Variants in MAST4 observed in about 807,000 individuals in gnomAD.
The protein encoded by MAST4 is microtubule associated serine/threonine kinase family member 4, also known as microtubule-associated serine/threonine-protein kinase 4.
A neutral mutation model predicts 162.7 loss-of-function variants in MAST4; 89 were observed. The ratio of observed to expected loss-of-function variants is 0.55; its 90% confidence interval spans 0.46 to 0.65. The LOEUF (loss-of-function observed/expected upper bound fraction) is 0.65, where lower values mean the gene tolerates loss of function less well. MAST4 is among the 30% of genes least tolerant of loss of function. The probability of loss-of-function intolerance (pLI) is 0.00; values close to 1 mark genes in which losing one functional copy is unlikely to be tolerated. For missense variants in MAST4, 3,153 were observed against 3,374.0 expected (o/e 0.93, Z 1.62); for synonymous variants, 1,479 against 1,361.1 (o/e 1.09, Z -1.91).
At chr5:66,900,699 G>GT (rs1762955046) in intron 4 of MAST4, among the ~76,000 whole-genome samples, 1 of 143,338 alleles carries the variant, frequency 7.0e-6, no homozygotes, top group Admixed American at 7.1e-5. Flanking sequence ...GAAGAAGTTA[G>GT]TAGATGGAGC....
rs374441392 is a variant in MAST4 at position 66,957,064 on chromosome 5, ATGTAT to A, written c.674+57087_674+57091del. ...GTAGTAAAAGGAAACTGAAGTGAAA[ATGTAT>A]TGTAGTCCATTGGCTATATGGAACT... is the stretch of plus-strand genomic sequence containing the variant. On this transcript the variant is annotated intron_variant, in intron 4 of 28. Transcript: ENST00000403625. 2.3e-3 allele frequency among the ~76,000 whole-genome samples: 343 copies of A among 152,232 alleles called. 1 individual carries two copies. The highest frequency in any genetic ancestry group is 7.8e-3 in the African/African-American group (325 of 41,536).
intron 1 of MAST4, among the ~76,000 whole-genome samples, chr5:66,678,143 A>G (rs908998056): frequency 6.6e-6 from 1 of 152,188 alleles, no homozygotes; most frequent in Non-Finnish European, 1.5e-5. Context: ...TGTTAACTGA[A>G]ATAAGCCAGG....
intron 1 of MAST4, among the ~76,000 whole-genome samples, chr5:66,723,321 C>T (rs1751330167): frequency 6.6e-6 from 1 of 152,098 alleles, no homozygotes; most frequent in African/African-American, 2.4e-5. Flanking sequence ...ACAGTGGGAT[C>T]TATTTTAGAT....
At chr5:66,839,589 T>G (rs982111647) in intron 3 of MAST4, among the ~76,000 whole-genome samples, 7 of 148,624 alleles carry the variant, frequency 4.7e-5, no homozygotes, top group African/African-American at 1.7e-4. Context: ...GATGTGTAGG[T>G]TTTTTTTTTC....
At chr5:66,807,502 CAA>C (rs57438295) in intron 3 of MAST4, among the ~76,000 whole-genome samples, 5 of 129,152 alleles carry the variant, frequency 3.9e-5, no homozygotes, top group African/African-American at 5.9e-5. Context: ...GACTCCGTCT[CAA>C]AAAAAAAAAA....
chr5:66,847,505 A>T (rs927740761), intron 3 of MAST4, among the ~76,000 whole-genome samples: 1 of 152,132 alleles, frequency 6.6e-6, no homozygotes, highest in South Asian at 2.1e-4. Context: ...GTGGTAGTGG[A>T]CGCCTGTAAT....
chr5:67,060,142 C>CT (rs1759377708), intron 5 of MAST4, among the ~76,000 whole-genome samples: 1 of 152,084 alleles, frequency 6.6e-6, no homozygotes, highest in Admixed American at 6.5e-5. Context: ...TCTTAAGGAC[C>CT]TTTCTCCTTT....
intron 4 of MAST4, among the ~76,000 whole-genome samples, chr5:66,912,270 G>T (rs1763826859): frequency 6.6e-6 from 1 of 152,138 alleles, no homozygotes; most frequent in Admixed American, 6.5e-5. Flanking sequence ...CTCTCCCTAG[G>T]CAATAAACAT....
At chr5:66,676,184 A>G (rs1194111704) in intron 1 of MAST4, among the ~76,000 whole-genome samples, 1 of 152,220 alleles carries the variant, frequency 6.6e-6, no homozygotes, top group Non-Finnish European at 1.5e-5. Flanking sequence ...GAGACACATT[A>G]GCTATCTACA....
intron 27 of MAST4, 36 bp downstream of exon 27, chr5:67,160,628 A>T: frequency 3.1e-6 from 5 of 1,595,874 alleles, no homozygotes; most frequent in Non-Finnish European, 4.3e-6. Flanking sequence ...AGTTTGGTGT[A>T]TACCTATGTT....
chr5:66,923,572 G>A (rs931580538), intron 4 of MAST4, among the ~76,000 whole-genome samples: 4 of 152,130 alleles, frequency 2.6e-5, no homozygotes, highest in African/African-American at 4.8e-5. Flanking sequence ...TCTTTTTCCT[G>A]TTTTTTTATT....
chr5:66,605,491 A>G (rs1175437981), intron 1 of MAST4, among the ~76,000 whole-genome samples: 1 of 152,174 alleles, frequency 6.6e-6, no homozygotes, highest in East Asian at 1.9e-4. Context: ...TGAGAGGAAA[A>G]TTACTTGTCA....
intron 3 of MAST4, among the ~76,000 whole-genome samples, chr5:66,894,970 T>A (rs1487194362): frequency 1.3e-5 from 2 of 152,004 alleles, no homozygotes; most frequent in Admixed American, 6.6e-5. Context: ...GAAGTGAAGG[T>A]ATGTGGGGGC....
At chr5:66,812,081 G>C (rs918330008) in intron 3 of MAST4, among the ~76,000 whole-genome samples, 2 of 152,158 alleles carry the variant, frequency 1.3e-5, no homozygotes, top group African/African-American at 4.8e-5. Flanking sequence ...CAAACAACAT[G>C]ATGCAAGGCT....
At chr5:66,665,672 CG>C (rs1491004167) in intron 1 of MAST4, among the ~76,000 whole-genome samples, 1 of 152,108 alleles carries the variant, frequency 6.6e-6, no homozygotes, top group Non-Finnish European at 1.5e-5. Flanking sequence ...GTCGTTAAGA[CG>C]GGCAACTTGG....
Position 67,160,693 on chromosome 5 carries a change from T to C in MAST4, c.3785+101T>C, listed in dbSNP as rs2151112450. 3 of 1,323,090 alleles carry C rather than the reference T, an allele frequency of 2.3e-6. No homozygotes were observed. In the East Asian group the frequency reaches 7.1e-5, roughly 31 times the overall value. The allele number at this position is 1,323,090 out of a possible 1,614,324, so 82.0% of individuals were successfully genotyped here. A position where few individuals can be genotyped will look rare whatever the true frequency, so the allele number is the denominator to read the frequency against. ...TATATATGAAGAAGATCTATTTTTCTGTGAGAAATTTTATGTTATGGTTCA... is the reference window on the plus strand; with the variant it reads ...TATATATGAAGAAGATCTATTTTTCCGTGAGAAATTTTATGTTATGGTTCA... On this transcript the variant is annotated intron_variant, in intron 27 of 28. Transcript: ENST00000403625.
rs1335322741 is a variant in MAST4 at position 67,164,288 on chromosome 5, C to T, written c.5109C>T (p.Cys1703=). ...MSLEDKEDNL[C]PVLKPKMTAG... ...TTGAGGACAAAGAGGACAACCTCTG[C>T]CCTGTGCTGAAGCCCAAGATGACAG... is the stretch of plus-strand genomic sequence containing the variant. Residue 1703 remains cysteine, a synonymous_variant, in exon 29 of 29, where the codon TGC becomes TGT. Transcript: ENST00000403625. This position sits in a 1 kb window ranked among gnomAD's most constrained non-coding sequence, Gnocchi z 5.3. 3.7e-6 allele frequency: 6 copies of T among 1,613,902 alleles called. No homozygotes were observed. Among genetic ancestry groups the T allele is most frequent in the Non-Finnish European group, 5.1e-6 (6 of 1,179,884 alleles).
intron 2 of MAST4, among the ~76,000 whole-genome samples, chr5:66,774,032 A>G (rs1168302386): frequency 6.6e-6 from 1 of 152,230 alleles, no homozygotes; most frequent in East Asian, 1.9e-4. Flanking sequence ...ATGCATGCAC[A>G]CACTGCATTG....
At chr5:66,987,480 T>C (rs1016337662) in intron 4 of MAST4, among the ~76,000 whole-genome samples, 1 of 152,098 alleles carries the variant, frequency 6.6e-6, no homozygotes, top group Non-Finnish European at 1.5e-5. Flanking sequence ...GCTCTGCAGG[T>C]TCAGAGAAAC....
Sources: gnomAD v4.1 joint callset for allele counts (sites outside exome capture counted in the v4.1 genomes callset) on GRCh38, gnomAD v4.1.1 for gene constraint, Gnocchi (gnomAD v3.1) non-coding constraint, MANE v1.5 for transcripts, NCBI Gene and HGNC (gene_info 2026-07-23, HGNC 2026-07-21) for gene names.